Variants in COL7A1 observed in about 807,000 individuals in gnomAD.
COL7A1 encodes the protein collagen alpha-1(VII) chain.
COL7A1 carries 296 observed loss-of-function variants against 456.2 expected under a neutral mutation model. The ratio of observed to expected loss-of-function variants is 0.65; its 90% confidence interval spans 0.59 to 0.71. The LOEUF (loss-of-function observed/expected upper bound fraction) is 0.71, where lower values mean the gene tolerates loss of function less well. Ranked by LOEUF, COL7A1 falls within the 30% of genes least tolerant of loss-of-function variation. The pLI is 0.00. For missense variants in COL7A1, 3,441 were observed against 4,017.2 expected, an observed-to-expected ratio of 0.86 and a Z score of 3.88; for synonymous variants, 1,464 against 1,525.9, an observed-to-expected ratio of 0.96 and a Z score of 0.95.
In COL7A1 at chr3:48,594,598, G is replaced by A. The variant is rs763211535; in HGVS notation, c.86-50C>T. 22 of 1,532,740 alleles carry A rather than the reference G, an allele frequency of 1.4e-5. No individual in the cohort carries two copies. The highest frequency in any genetic ancestry group is 5.9e-5 in the South Asian group (5 of 84,524). 94.9% of individuals were successfully genotyped at this position (1,532,740 alleles called of 1,614,324 possible). Reference sequence around the variant, plus strand: ...GCCTCTTCTGGGAGGCCAACCACCCGCCTACCCGCACGGTGGCCTCACTGG... The same window carrying A: ...GCCTCTTCTGGGAGGCCAACCACCCACCTACCCGCACGGTGGCCTCACTGG... On this transcript the variant is annotated intron_variant, in intron 2 of 118. Coordinates refer to ENST00000681320, the MANE Select transcript of COL7A1 (RefSeq NM_000094.4). The surrounding 1 kb of genome is among the most constrained non-coding windows in gnomAD (Gnocchi z 5.5).
chr3:48,581,679 G>A lies in COL7A1; in HGVS notation c.4722+27C>T, dbSNP rs777808564. 1 of 1,614,070 alleles carries A rather than the reference G, an allele frequency of 6.2e-7. No homozygotes were observed. Among genetic ancestry groups the A allele is most frequent in the Non-Finnish European group, 8.5e-7 (1 of 1,180,008 alleles). The stretch of plus-strand genomic sequence containing the variant: ...GTCAGGAAGACAACCTTCACCAACT[G>A]CCCCCTAAACACTTCGCTTCACTTA... On this transcript the variant is annotated intron_variant, in intron 49 of 118. Coordinates refer to ENST00000681320, the MANE Select transcript of COL7A1 (RefSeq NM_000094.4). The surrounding 1 kb of genome is among the most constrained non-coding windows in gnomAD (Gnocchi z 5.8).
Position 48,565,365 on chromosome 3 carries a change from T to C in COL7A1, c.8527+45A>G. 6.4e-7 allele frequency: 1 copy of C among 1,568,652 alleles called. No homozygotes were observed. The highest frequency in any genetic ancestry group is 8.7e-7 in the Non-Finnish European group (1 of 1,154,852). On this transcript the variant is annotated intron_variant, in intron 116 of 118. Transcript: ENST00000681320. The surrounding 1 kb of genome is among the most constrained non-coding windows in gnomAD (Gnocchi z 4.5). ...GCATTCATGGACACCCATGTGCGTG[T>C]CTCGGCCCCACCCATAGCTGCCCCA...
Position 48,587,522 on chromosome 3 carries a change from C to T in COL7A1, c.2890G>A (p.Val964Met). The T allele has an allele frequency of 6.2e-7, 1 of 1,613,532 alleles. No individual in the cohort carries two copies. Among genetic ancestry groups the T allele is most frequent in the South Asian group, 1.1e-5 (1 of 91,078 alleles). Reference sequence around the variant, plus strand: ...ACCGAGTCGATCGAGGTGTCCACCACACGTAGTTCAATGCTTGGAACACGA... The same window carrying T: ...ACCGAGTCGATCGAGGTGTCCACCATACGTAGTTCAATGCTTGGAACACGA... ...SPRVPSIELR[V>M]VDTSIDSVTL... The change falls in exon 23 of 119, where the codon GTG becomes ATG. Residue 964 changes from valine to methionine, a missense_variant. Physicochemically the swap from Val to Met is conservative, Grantham distance 21. Around this residue, in one of 3 missense-constraint regions of COL7A1, gnomAD observed 444 missense variants for 427.6 expected, o/e 1.04. Coordinates refer to ENST00000681320, the MANE Select transcript of COL7A1 (RefSeq NM_000094.4). This position sits in a 1 kb window ranked among gnomAD's most constrained non-coding sequence, Gnocchi z 6.1.
Position 48,586,860 on chromosome 3 carries a change from G to A in COL7A1, c.3276+112C>T. On this transcript the variant is annotated intron_variant, in intron 25 of 118. Transcript: ENST00000681320. The surrounding 1 kb of genome is among the most constrained non-coding windows in gnomAD (Gnocchi z 5.1). ...AGTAGGTGAGGTCTGGAGCCTGTGA[G>A]AGAGCTGGGAGAATGCCTGAACCTA... is the stretch of plus-strand genomic sequence containing the variant. 6.5e-7 allele frequency: 1 copy of A among 1,529,024 alleles called. No homozygotes were observed. The highest frequency in any genetic ancestry group is 8.9e-7 in the Non-Finnish European group (1 of 1,129,264). The allele number at this position is 1,529,024 out of a possible 1,614,324, so 94.7% of individuals were successfully genotyped here.
At position 48,585,833 on chromosome 3, in the gene COL7A1, C is replaced by T. The variant is rs2045209673; in HGVS notation, c.3783G>A (p.Glu1261=). 1.9e-6 allele frequency: 3 copies of T among 1,614,146 alleles called. No individual in the cohort carries two copies. The highest frequency in any genetic ancestry group is 2.5e-6 in the Non-Finnish European group (3 of 1,180,028). Residue 1261 remains glutamate, a synonymous_variant, in exon 30 of 119, where the codon GAG becomes GAA. Coordinates refer to ENST00000681320, the MANE Select transcript of COL7A1 (RefSeq NM_000094.4). The surrounding 1 kb of genome is among the most constrained non-coding windows in gnomAD (Gnocchi z 4.5). The stretch of plus-strand genomic sequence containing the variant: ...CCCCGCCCGCAGGGGCACTCACCAT[C>T]TCTCCAGGTTCCCCCTTCTGGCCCT... The part of the protein sequence containing the change: ...CPKGQKGEPG[E]MGLRGQVGPP...
At position 48,578,310 on chromosome 3, in the gene COL7A1, GACAC is replaced by G. The variant is rs759445274; in HGVS notation, c.5532+7_5532+10del. 31 of 1,612,228 alleles carry G rather than the reference GACAC, an allele frequency of 1.9e-5. No individual in the cohort carries two copies. Among genetic ancestry groups the G allele is most frequent in the Non-Finnish European group, 2.5e-5 (30 of 1,180,032 alleles). On this transcript the variant is annotated splice_region_variant and intron_variant, in intron 65 of 118. Coordinates refer to ENST00000681320, the MANE Select transcript of COL7A1 (RefSeq NM_000094.4). This position sits in a 1 kb window ranked among gnomAD's most constrained non-coding sequence, Gnocchi z 4.7. ...GGCAGGTTTCGCCGCAGCTGCCCTG[GACAC>G]ACTCACGTTTTTTCCATTCAGGCCA...
At position 48,575,236 on chromosome 3, in the gene COL7A1, G is replaced by C. The variant is rs121912849; in HGVS notation, c.6187C>G (p.Arg2063Gly). The change falls in exon 75 of 119, where the codon CGG (arginine) becomes GGG (glycine). Residue 2063 changes from arginine (R) to glycine (G), a missense_variant. Physicochemically the swap from Arg to Gly is moderately radical, Grantham distance 125. Transcript: ENST00000681320. This position sits in a 1 kb window ranked among gnomAD's most constrained non-coding sequence, Gnocchi z 6.3. The stretch of plus-strand genomic sequence containing the variant: ...TCTCCACGTTCTCCTTTCTCTCCCC[G>C]TTCTCCCTGAAATGCAAATAGCGGG... ...EAGRPGERGE[R>G]GEKGERGEQG... 1 of 1,613,928 alleles carries C rather than the reference G, an allele frequency of 6.2e-7. No homozygotes were observed. Among genetic ancestry groups the C allele is most frequent in the Non-Finnish European group, 8.5e-7 (1 of 1,179,976 alleles).
rs2044273803 is a variant in COL7A1 at position 48,575,998 on chromosome 3, C to T, written c.5821-96G>A. Reference sequence around the variant, plus strand: ...AGGAAAGCACCTTCACACCCTTTTCCCTAGGCCTCTTGCCCAGAGCACCCT... The same window carrying T: ...AGGAAAGCACCTTCACACCCTTTTCTCTAGGCCTCTTGCCCAGAGCACCCT... On this transcript the variant is annotated intron_variant, in intron 71 of 118. Coordinates refer to ENST00000681320, the MANE Select transcript of COL7A1 (RefSeq NM_000094.4). This position sits in a 1 kb window ranked among gnomAD's most constrained non-coding sequence, Gnocchi z 6.3. 6.3e-7 allele frequency: 1 copy of T among 1,592,348 alleles called. No homozygotes were observed. The highest frequency in any genetic ancestry group is 2.2e-5 in the East Asian group (1 of 44,690).
chr3:48,593,622 C>G lies in COL7A1; in HGVS notation c.341G>C (p.Gly114Ala), dbSNP rs763402171. ...TGCAGCCCCTGTGCGAGTGTTGCCC[C>G]CCTTGTAGCTAAGCTCACGGATGGC... is the stretch of plus-strand genomic sequence containing the variant. ...IRAIRELSYK[G>A]GNTRTGAAIL... Residue 114 changes from glycine to alanine, a missense_variant, in exon 4 of 119, where the codon GGG becomes GCG. By Grantham distance (60) the Gly-to-Ala change is moderately conservative (BLOSUM62 0). Around this residue, in one of 3 missense-constraint regions of COL7A1, gnomAD observed 913 missense variants for 1,088.2 expected, o/e 0.84. Transcript: ENST00000681320. The surrounding 1 kb of genome is among the most constrained non-coding windows in gnomAD (Gnocchi z 4.4). The G allele has an allele frequency of 3.1e-6, 5 of 1,614,196 alleles. No homozygotes were observed. Among genetic ancestry groups the G allele is most frequent in the Non-Finnish European group, 3.4e-6 (4 of 1,180,032 alleles).
chr3:48,577,167 G>A, intron 65 of COL7A1, 140 bp from the exon 66 acceptor site: 1 of 1,218,316 alleles, frequency 8.2e-7, no homozygotes, highest in South Asian at 1.3e-5. Flanking sequence ...AGCATGGCCT[G>A]TGGCCGTCTG....
rs371525463 is a variant in COL7A1, at chr3:48,588,445, T to C, written c.2588-41A>G. Reference sequence around the variant, plus strand: ...AGGAATCAGGGAGGCTCTGCCCCCATGGCCCCTGCACCAATCCCAGGCCCA... The same window carrying C: ...AGGAATCAGGGAGGCTCTGCCCCCACGGCCCCTGCACCAATCCCAGGCCCA... On this transcript the variant is annotated intron_variant, in intron 20 of 118. Coordinates refer to ENST00000681320, the MANE Select transcript of COL7A1 (RefSeq NM_000094.4). This position sits in a 1 kb window ranked among gnomAD's most constrained non-coding sequence, Gnocchi z 4.6. 6.2e-7 allele frequency: 1 copy of C among 1,601,106 alleles called. No individual in the cohort carries two copies. Among genetic ancestry groups the C allele is most frequent in the Non-Finnish European group, 8.5e-7 (1 of 1,178,716 alleles).
In COL7A1 at chr3:48,570,499, C is replaced by A; in HGVS notation, c.7346G>T (p.Gly2449Val). Residue 2449 changes from glycine (G) to valine (V), a missense_variant and splice_region_variant, in exon 97 of 119, where the codon GGA becomes GTA. By Grantham distance (109) the Gly-to-Val change is moderately radical (BLOSUM62 -3). This residue lies in a region of COL7A1 where 2,084 missense variants were observed against 2,501.3 expected (regional missense o/e 0.83). Transcript: ENST00000681320. The surrounding 1 kb of genome is among the most constrained non-coding windows in gnomAD (Gnocchi z 5.5). Reference protein sequence around the residue: ...LGPPGPPGSVGPPGASGLKGD... With the variant: ...LGPPGPPGSVVPPGASGLKGD... The stretch of plus-strand genomic sequence containing the variant: ...TTTGAGTCCAGAGGCCCCAGGTGGT[C>A]CCTGTAGGTCAGAGTGAGGTGAGGG... 1 of 1,614,030 alleles carries A rather than the reference C, an allele frequency of 6.2e-7. No homozygotes were observed. The highest frequency in any genetic ancestry group is 1.1e-5 in the South Asian group (1 of 91,070).
chr3:48,593,569 G>C lies in COL7A1; in HGVS notation c.394C>G (p.Leu132Val). The C allele has an allele frequency of 6.2e-7, 1 of 1,614,184 alleles. No homozygotes were observed. The highest frequency in any genetic ancestry group is 8.5e-7 in the Non-Finnish European group (1 of 1,180,024). Residue 132 changes from leucine (L) to valine (V), a missense_variant, in exon 4 of 119, where the codon CTG (leucine) becomes GTG (valine). This residue lies in a region of COL7A1 where 913 missense variants were observed against 1,088.2 expected (regional missense o/e 0.84). Transcript: ENST00000681320. The surrounding 1 kb of genome is among the most constrained non-coding windows in gnomAD (Gnocchi z 4.4). Reference protein sequence around the residue: ...AILHVADHVFLPQLARPGVPK... With the variant: ...AILHVADHVFVPQLARPGVPK... The stretch of plus-strand genomic sequence containing the variant: ...ACACCAGGTCGGGCCAGCTGGGGCA[G>C]GAAGACATGGTCAGCCACATGGAGA...
chr3:48,589,812 G>A (rs780216735), intron 16 of COL7A1, 94 bp from the exon 17 acceptor site: 18 of 1,576,904 alleles, frequency 1.1e-5, no homozygotes, highest in Admixed American at 5.0e-5. Context: ...AACAGGAGAC[G>A]GGAATTTGAT....
chr3:48,573,352 C>A lies in COL7A1; in HGVS notation c.6619-4G>T. On this transcript the variant is annotated splice_polypyrimidine_tract_variant and splice_region_variant and intron_variant, in intron 83 of 118. Coordinates refer to ENST00000681320, the MANE Select transcript of COL7A1 (RefSeq NM_000094.4). This position sits in a 1 kb window ranked among gnomAD's most constrained non-coding sequence, Gnocchi z 5.5. ...GTCCTGTCTCTCCAGGCTCCCCCTG[C>A]AAACAACCCAGAGACTGCATGAGCA... 1 of 1,614,078 alleles carries A rather than the reference C, an allele frequency of 6.2e-7. No homozygotes were observed.
At position 48,593,712 on chromosome 3, in the gene COL7A1, G is replaced by A. The variant is rs2045874260; in HGVS notation, c.267-16C>T. 1.9e-6 allele frequency: 3 copies of A among 1,614,186 alleles called. No individual in the cohort carries two copies. The highest frequency in any genetic ancestry group is 1.7e-5 in the Admixed American group (1 of 60,034). On this transcript the variant is annotated splice_polypyrimidine_tract_variant and intron_variant, in intron 3 of 118. Transcript: ENST00000681320. The surrounding 1 kb of genome is among the most constrained non-coding windows in gnomAD (Gnocchi z 4.4). ...GAACTCTGTCCTGTTGGAGGGTAGG[G>A]GTGGCAACAGGCTAGGACTCAGGAT...
chr3:48,570,017 CA>C lies in COL7A1; in HGVS notation c.7486-103del, dbSNP rs1425098930. 20 of 1,595,170 alleles carry C rather than the reference CA, an allele frequency of 1.3e-5. No individual in the cohort carries two copies. The highest frequency in any genetic ancestry group is 8.4e-5 in the Admixed American group (5 of 59,764). ...AACAGTGGGGACCAGACAAAGGGGA[CA>C]GGGGTAGACGAGGAGGGCCAGAGGG... On this transcript the variant is annotated intron_variant, in intron 99 of 118. Transcript: ENST00000681320. The surrounding 1 kb of genome is among the most constrained non-coding windows in gnomAD (Gnocchi z 5.5).
In COL7A1 at chr3:48,569,910, G is replaced by C. The variant is rs759248490; in HGVS notation, c.7491C>G (p.Pro2497=). 6 of 1,613,632 alleles carry C rather than the reference G, an allele frequency of 3.7e-6. No homozygotes were observed. The South Asian group carries it at 6.6e-5, about 18-fold the overall frequency. Reference sequence around the variant, plus strand: ...CCCCACGCTCTCCCCTGCTGCCAGGGGGCCCCTGTGTGAGAGAAGGTGACC... The same window carrying C: ...CCCCACGCTCTCCCCTGCTGCCAGGCGGCCCCTGTGTGAGAGAAGGTGACC... ...GQEGPRGLTG[P]PGSRGERGEK... Residue 2497 remains proline, a synonymous_variant, in exon 100 of 119, where the codon CCC becomes CCG. Transcript: ENST00000681320. The surrounding 1 kb of genome is among the most constrained non-coding windows in gnomAD (Gnocchi z 4.9).
In COL7A1 at chr3:48,589,736, T is replaced by C. The variant is rs372389666; in HGVS notation, c.2051-18A>G. On this transcript the variant is annotated intron_variant, in intron 16 of 118. Coordinates refer to ENST00000681320, the MANE Select transcript of COL7A1 (RefSeq NM_000094.4). The stretch of plus-strand genomic sequence containing the variant: ...CAGTGGGTCTAGTGGGGAGAGGCAA[T>C]GGGGAGTCTGCTGGAACAGGCAGGA... 6.2e-7 allele frequency: 1 copy of C among 1,613,338 alleles called. No homozygotes were observed. Among genetic ancestry groups the C allele is most frequent in the East Asian group, 2.2e-5 (1 of 44,880 alleles).
Sources: gnomAD v4.1 joint callset for allele counts on GRCh38, gnomAD v4.1.1 for gene constraint, gnomAD v4.1.1 regional missense constraint, Gnocchi (gnomAD v3.1) non-coding constraint, MANE v1.5 for transcripts, NCBI Gene and HGNC (gene_info 2026-07-23, HGNC 2026-07-21) for gene names.